The following GRIN2A variants were observed in gnomAD, a reference collection of about 807,000 sequenced individuals.
GRIN2A encodes the protein glutamate receptor ionotropic, NMDA 2A.
GRIN2A carries 22 observed loss-of-function variants against 113.4 expected under a neutral mutation model. That is an observed-to-expected ratio of 0.19 (90% CI 0.14 to 0.28). The LOEUF (loss-of-function observed/expected upper bound fraction) is 0.28. Ranked by LOEUF, GRIN2A falls within the 10% of genes least tolerant of loss-of-function variation. The probability of loss-of-function intolerance (pLI) is 1.00; values close to 1 mark genes in which losing one functional copy is unlikely to be tolerated. For synonymous variants in GRIN2A, 827 were observed against 738.4 expected, an observed-to-expected ratio of 1.12 and a Z score of -1.94; for missense variants, 1,502 against 1,887.0, an observed-to-expected ratio of 0.80 and a Z score of 3.78.
chr16:10,019,960 C>T (rs1435786345), intron 2 of GRIN2A, among the ~76,000 whole-genome samples: 1 of 152,164 alleles, frequency 6.6e-6, no homozygotes, highest in Non-Finnish European at 1.5e-5. Flanking sequence ...AAAATGGTAA[C>T]CAACAGTCGT....
At chr16:10,175,453 A>C (rs1162494666) in intron 2 of GRIN2A, among the ~76,000 whole-genome samples, 5 of 152,336 alleles carry the variant, frequency 3.3e-5, no homozygotes, top group Non-Finnish European at 5.9e-5. Flanking sequence ...AATAGATAAA[A>C]GGAAATACAC....
At chr16:9,821,430 G>C (rs1291869705) in intron 10 of GRIN2A, among the ~76,000 whole-genome samples, 1 of 152,086 alleles carries the variant, frequency 6.6e-6, no homozygotes, top group African/African-American at 2.4e-5. Flanking sequence ...AGAAACCAAT[G>C]TGGGCTTTAG....
At chr16:10,096,573 C>CACACACACACACACACA (rs1555478915) in intron 2 of GRIN2A, among the ~76,000 whole-genome samples, 9 of 149,264 alleles carry the variant, frequency 6.0e-5, no homozygotes, top group African/African-American at 2.2e-4. Context: ...CACACACACA[C>CACACACACACACACACA]TTTACTCTCT....
At chr16:9,821,567 T>C (rs928514759) in intron 10 of GRIN2A, among the ~76,000 whole-genome samples, 6 of 152,176 alleles carry the variant, frequency 3.9e-5, no homozygotes, top group African/African-American at 1.4e-4. Flanking sequence ...TTAGGTACTG[T>C]CTATTTCCCA....
chr16:9,897,827 C>T (rs906253868), intron 3 of GRIN2A, among the ~76,000 whole-genome samples: 1 of 152,118 alleles, frequency 6.6e-6, no homozygotes, highest in African/African-American at 2.4e-5. Context: ...AGACTGTAAT[C>T]ATGGAAGCAG....
chr16:9,922,491 G>A (rs1169948806), intron 3 of GRIN2A, among the ~76,000 whole-genome samples: 2 of 152,064 alleles, frequency 1.3e-5, no homozygotes, highest in Non-Finnish European at 2.9e-5. Context: ...TTACATCCAC[G>A]CCCATCTGGA....
intron 12 of GRIN2A, among the ~76,000 whole-genome samples, chr16:9,767,814 G>A (rs186004042): frequency 1.1e-4 from 16 of 152,240 alleles, no homozygotes; most frequent in Admixed American, 9.2e-4. Flanking sequence ...TTACACCTGT[G>A]TTTCCTTTCA....
At chr16:10,099,927 G>A (rs1299447101) in intron 2 of GRIN2A, among the ~76,000 whole-genome samples, 1 of 150,594 alleles carries the variant, frequency 6.6e-6, no homozygotes, top group Non-Finnish European at 1.5e-5. Context: ...GAGCTTCATT[G>A]AGGGAGCTCA....
chr16:9,940,056 G>C (rs2044830137), intron 2 of GRIN2A, among the ~76,000 whole-genome samples: 1 of 144,344 alleles, frequency 6.9e-6, no homozygotes, highest in Non-Finnish European at 1.5e-5. Flanking sequence ...GAGAGAGAGA[G>C]AGAGAGTGTG....
intron 2 of GRIN2A, among the ~76,000 whole-genome samples, chr16:10,028,679 G>C (rs1358172317): frequency 6.6e-6 from 1 of 152,200 alleles, no homozygotes. Context: ...TTAGCAAAAA[G>C]TAAGCTTTAT....
chr16:9,805,895 G>C (rs1436289346), intron 10 of GRIN2A, among the ~76,000 whole-genome samples: 1 of 152,206 alleles, frequency 6.6e-6, no homozygotes, highest in Non-Finnish European at 1.5e-5. Flanking sequence ...ACTTGGGCAA[G>C]AGACACTCAA....
chr16:9,925,791 T>C (rs1200993787), intron 3 of GRIN2A, among the ~76,000 whole-genome samples: 2 of 152,208 alleles, frequency 1.3e-5, no homozygotes, highest in African/African-American at 4.8e-5. Context: ...TAGAATGGAA[T>C]TCATTGAAGG....
intron 2 of GRIN2A, among the ~76,000 whole-genome samples, chr16:10,137,618 A>C (rs12922340): frequency 6.6e-6 from 1 of 152,122 alleles, no homozygotes; most frequent in Non-Finnish European, 1.5e-5. Context: ...TTCCTGCCCC[A>C]GCCCTGGCCT....
intron 2 of GRIN2A, among the ~76,000 whole-genome samples, chr16:9,950,007 C>T (rs1163872520): frequency 6.6e-6 from 1 of 152,136 alleles, no homozygotes; most frequent in African/African-American, 2.4e-5. Flanking sequence ...CTCTCACAAT[C>T]TGAAGGCAGG....
chr16:9,945,801 C>A (rs1221782258), intron 2 of GRIN2A, among the ~76,000 whole-genome samples: 1 of 152,130 alleles, frequency 6.6e-6, no homozygotes, highest in African/African-American at 2.4e-5. Context: ...TCCCATAACA[C>A]TTGCTAGGTT....
chr16:9,842,510 A>G (rs1479889652), intron 5 of GRIN2A, among the ~76,000 whole-genome samples: 1 of 152,246 alleles, frequency 6.6e-6, no homozygotes, highest in Non-Finnish European at 1.5e-5. Context: ...TGGAAATCCA[A>G]CATCATCACA....
At chr16:10,144,377 C>T (rs1019434889) in intron 2 of GRIN2A, among the ~76,000 whole-genome samples, 1 of 152,050 alleles carries the variant, frequency 6.6e-6, no homozygotes, top group Admixed American at 6.6e-5. Context: ...CACAGTCACT[C>T]GTTGTGGTTT....
At chr16:9,839,778 A>T (rs112960029) in intron 7 of GRIN2A, among the ~76,000 whole-genome samples, 1 of 152,194 alleles carries the variant, frequency 6.6e-6, no homozygotes, top group Non-Finnish European at 1.5e-5. Flanking sequence ...TGAATATGTG[A>T]TCATATTTTT....
At chr16:9,803,355 C>T (rs963188108) in intron 10 of GRIN2A, among the ~76,000 whole-genome samples, 1 of 151,242 alleles carries the variant, frequency 6.6e-6, no homozygotes, top group Non-Finnish European at 1.5e-5. Context: ...TGCAGTGAGC[C>T]GAGATTGCAC....
Sources: allele counts gnomAD v4.1 joint callset (sites outside exome capture counted in the v4.1 genomes callset), GRCh38; gene constraint gnomAD v4.1.1; transcripts MANE v1.5; gene names NCBI Gene and HGNC (gene_info 2026-07-23, HGNC 2026-07-21).